Variants in HYOU1 observed in about 807,000 individuals in gnomAD.
HYOU1 encodes hypoxia up-regulated protein 1.
In HYOU1, 40 loss-of-function variants were observed where a neutral mutation model predicts 120.5. The ratio of observed to expected loss-of-function variants is 0.33; its 90% CI spans 0.26 to 0.43. The LOEUF (loss-of-function observed/expected upper bound fraction) is 0.43, where lower values mean the gene tolerates loss of function less well. Ranked by LOEUF, HYOU1 falls within the 20% of genes least tolerant of loss-of-function variation. HYOU1 has a pLI of 1.00. For missense variants in HYOU1, 1,085 were observed against 1,278.3 expected, an observed-to-expected ratio of 0.85 and a Z score of 2.31; for synonymous variants, 501 against 479.4, an observed-to-expected ratio of 1.05 and a Z score of -0.59.
chr11:119,054,860 A>G (rs1944659419), intron 6 of HYOU1, 124 bp downstream of exon 6: 4 of 1,155,690 alleles, frequency 3.5e-6, no homozygotes, highest in African/African-American at 1.5e-5. Context: ...CTCAGATGTG[A>G]CAACCAAAAT....
intron 22 of HYOU1, 60 bp from the exon 23 acceptor site, chr11:119,046,862 C>G: frequency 6.4e-7 from 1 of 1,569,498 alleles, no homozygotes. Context: ...CATCTCTGTC[C>G]CAGATGGAAT....
chr11:119,056,539 G>A (rs1006276713), intron 1 of HYOU1: 3 of 375,938 alleles, frequency 8.0e-6, no homozygotes, highest in Admixed American at 3.6e-5. Flanking sequence ...CCCCGCCCAG[G>A]GCTCAACCAC....
chr11:119,051,578 C>T lies in HYOU1; in HGVS notation c.1386G>A (p.Leu462=), dbSNP rs1944442185. 3 of 1,614,162 alleles carry T rather than the reference C, an allele frequency of 1.9e-6. No individual in the cohort carries two copies. Among genetic ancestry groups the T allele is most frequent in the Non-Finnish European group, 2.5e-6 (3 of 1,180,028 alleles). ...AGAAGAGTACCCGTTTATTGTGCTT[C>T]AGGCTGTGAATCCCAGGCTCCTCCT... ...EVEEEPGIHS[L]KHNKRVLFSR... Residue 462 remains leucine, a synonymous_variant, in exon 13 of 26, where the codon CTG becomes CTA. Coordinates refer to ENST00000617285, the MANE Select transcript of HYOU1 (RefSeq NM_006389.5). The surrounding 1 kb of genome is among the most constrained non-coding windows in gnomAD (Gnocchi z 4.2).
chr11:119,051,615 G>A lies in HYOU1; in HGVS notation c.1349C>T (p.Thr450Met), dbSNP rs2133586347. 35 of 1,613,862 alleles carry A rather than the reference G, an allele frequency of 2.2e-5. No individual in the cohort carries two copies. Among genetic ancestry groups the A allele is most frequent in the Admixed American group, 8.3e-5 (5 of 59,962 alleles). ...AVVYPILVEF[T>M]REVEEEPGIH... ...CCCAGGCTCCTCCTCCACCTCCCTCGTGAACTCCACCTACACAGCAGGCAG... is the reference window on the plus strand; with the variant it reads ...CCCAGGCTCCTCCTCCACCTCCCTCATGAACTCCACCTACACAGCAGGCAG... The change falls in exon 13 of 26, where the codon ACG becomes ATG. Residue 450 changes from threonine (T) to methionine (M), a missense_variant. This residue lies in a region of HYOU1 where 515 missense variants were observed against 677.8 expected (regional missense o/e 0.76). Transcript: ENST00000617285. The surrounding 1 kb of genome is among the most constrained non-coding windows in gnomAD (Gnocchi z 4.2).
Position 119,055,920 on chromosome 11 carries a change from A to G in HYOU1, c.92-77T>C. 4 of 1,419,178 alleles carry G rather than the reference A, an allele frequency of 2.8e-6. No individual in the cohort carries two copies. The South Asian group carries it at 4.6e-5, about 16-fold the overall frequency. 87.9% of individuals were successfully genotyped at this position (1,419,178 alleles called of 1,614,324 possible). ...GGACTCCCTCTAATCAAAGCATACC[A>G]CTTTCCATGGGTAAACGAAGATGGC... On this transcript the variant is annotated intron_variant, in intron 2 of 25. Transcript: ENST00000617285. The surrounding 1 kb of genome is among the most constrained non-coding windows in gnomAD (Gnocchi z 4.0).
Position 119,049,277 on chromosome 11 carries a change from G to A in HYOU1, c.1807-74C>T, listed in dbSNP as rs2133571559. ...CAGGCAGGCCTGGCTCGGCACCGCC[G>A]ACCCCATGGGGGTTCCATACAGGTG... On this transcript the variant is annotated intron_variant, in intron 16 of 25. Coordinates refer to ENST00000617285, the MANE Select transcript of HYOU1 (RefSeq NM_006389.5). The A allele has an allele frequency of 3.1e-5, 49 of 1,588,730 alleles. No individual in the cohort carries two copies. The African/African-American group carries it at 4.3e-4, about 14-fold the overall frequency.
In HYOU1 at chr11:119,055,251, G is replaced by C. The variant is rs1360458964; in HGVS notation, c.353C>G (p.Ala118Gly). ...ADNPHVALYQ[A>G]RFPEHELTFD... ...AGTCAGCTCGTGCTCCGGGAAGCGG[G>C]CCTGGTAAAGAGCTACATGGGGGTT... is the stretch of plus-strand genomic sequence containing the variant. The change falls in exon 5 of 26, where the codon GCC becomes GGC. Residue 118 changes from alanine to glycine, a missense_variant. This residue lies in a region of HYOU1 where 515 missense variants were observed against 677.8 expected (regional missense o/e 0.76). Transcript: ENST00000617285. This position sits in a 1 kb window ranked among gnomAD's most constrained non-coding sequence, Gnocchi z 4.0. The C allele has an allele frequency of 3.1e-6, 5 of 1,614,058 alleles. No homozygotes were observed. The Admixed American group carries it at 8.3e-5, about 27-fold the overall frequency.
intron 16 of HYOU1, 105 bp from the exon 17 acceptor site, chr11:119,049,308 T>C (rs1290813778): frequency 5.1e-6 from 8 of 1,569,904 alleles, no homozygotes; most frequent in Admixed American, 3.7e-5. Flanking sequence ...AGGTGACTGC[T>C]GTATGGAAAC....
Position 119,052,527 on chromosome 11 carries a change from T to C in HYOU1, c.988-98A>G. Reference sequence around the variant, plus strand: ...AAAGAATAGGTCTTTGGGAGGATGGTAGCGGGAGGAGCATGGGCCATGCCA... The same window carrying C: ...AAAGAATAGGTCTTTGGGAGGATGGCAGCGGGAGGAGCATGGGCCATGCCA... On this transcript the variant is annotated intron_variant, in intron 9 of 25. Coordinates refer to ENST00000617285, the MANE Select transcript of HYOU1 (RefSeq NM_006389.5). This position sits in a 1 kb window ranked among gnomAD's most constrained non-coding sequence, Gnocchi z 5.0. The C allele has an allele frequency of 6.3e-7, 1 of 1,585,860 alleles. No homozygotes were observed. Among genetic ancestry groups the C allele is most frequent in the Non-Finnish European group, 8.6e-7 (1 of 1,162,662 alleles).
At position 119,050,719 on chromosome 11, in the gene HYOU1, C is replaced by CAA. The variant is rs1944379626; in HGVS notation, c.1665+315_1665+316insTT. ...TTAAGTAACAGAGCCAAGACCCTCTCCAAAAAAAAAAAAAAAAAAAAAAAA... is the reference window on the plus strand; with the variant it reads ...TTAAGTAACAGAGCCAAGACCCTCTCAACAAAAAAAAAAAAAAAAAAAAAAAA... On this transcript the variant is annotated intron_variant, in intron 14 of 25. Transcript: ENST00000617285. 5.1e-4 allele frequency among the ~76,000 whole-genome samples: 27 copies of CAA among 52,868 alleles called. 11 individuals are homozygous for CAA. Among genetic ancestry groups the CAA allele is most frequent in the Non-Finnish European group, 8.2e-4 (22 of 26,900 alleles). The allele number at this position is 52,868 out of a possible 152,430, so 34.7% of individuals were successfully genotyped here.
rs2133583099 is a variant in HYOU1 at position 119,051,182 on chromosome 11, G to A, written c.1527-9C>T. ...TCTGGGAGCCAAATACCCTGGTTGG[G>A]AAGGAAAGAGGAGTTCAGGGGGACC... On this transcript the variant is annotated splice_polypyrimidine_tract_variant and intron_variant, in intron 13 of 25. Coordinates refer to ENST00000617285, the MANE Select transcript of HYOU1 (RefSeq NM_006389.5). This position sits in a 1 kb window ranked among gnomAD's most constrained non-coding sequence, Gnocchi z 4.2. 2 of 1,614,212 alleles carry A rather than the reference G, an allele frequency of 1.2e-6. No homozygotes were observed. Among genetic ancestry groups the A allele is most frequent in the African/African-American group, 2.7e-5 (2 of 75,048 alleles).
Position 119,044,383 on chromosome 11 carries a change from A to AGACAAAAT in HYOU1, c.*1202_*1209dup, listed in dbSNP as rs1943954247. On this transcript the variant is annotated 3_prime_UTR_variant, in exon 26 of 26. Coordinates refer to ENST00000617285, the MANE Select transcript of HYOU1 (RefSeq NM_006389.5). ...TGGCAAAAAAAAAAAAAAAAGGAAA[A>AGACAAAAT]GACAAAATGACTGACACAGCCAGGT... 6.6e-6 allele frequency: 1 copy of AGACAAAAT among 151,408 alleles called. No homozygotes were observed. Among genetic ancestry groups the AGACAAAAT allele is most frequent in the Non-Finnish European group, 1.5e-5 (1 of 67,848 alleles). 9.4% of individuals were successfully genotyped at this position (151,408 alleles called of 1,614,324 possible).
In HYOU1 at chr11:119,048,242, C is replaced by T; in HGVS notation, c.2376+6G>A. ...TCCACCTGCCATGTCCTGAGAGGCC[C>T]CTCACCACTGTGGTGGCTCCAACAC... On this transcript the variant is annotated splice_donor_region_variant and intron_variant, in intron 20 of 25. Transcript: ENST00000617285. This position sits in a 1 kb window ranked among gnomAD's most constrained non-coding sequence, Gnocchi z 4.7. 2 of 1,610,748 alleles carry T rather than the reference C, an allele frequency of 1.2e-6. No individual in the cohort carries two copies. The highest frequency in any genetic ancestry group is 1.7e-6 in the Non-Finnish European group (2 of 1,179,780).
Position 119,044,463 on chromosome 11 carries a change from A to G in HYOU1, c.*1130T>C, listed in dbSNP as rs782384698. The stretch of plus-strand genomic sequence containing the variant: ...CCCTAGCTCCTGCTACAGACGGAAT[A>G]CTGGAGGACGGGCTCCCTAGGCGTA... On this transcript the variant is annotated 3_prime_UTR_variant, in exon 26 of 26. Transcript: ENST00000617285. The G allele has an allele frequency of 1.1e-4, 17 of 152,462 alleles. No homozygotes were observed. The highest frequency in any genetic ancestry group is 6.6e-5 in the Admixed American group (1 of 15,266). The allele number at this position is 152,462 out of a possible 1,614,324, so 9.4% of individuals were successfully genotyped here.
In HYOU1 at chr11:119,051,224, G is replaced by A. The variant is rs2133583714; in HGVS notation, c.1527-51C>T. Reference sequence around the variant, plus strand: ...AGGGGGACCCACCCCAGCCCATCTCGCCCTCTAGACTACATGGCCTCCTGG... The same window carrying A: ...AGGGGGACCCACCCCAGCCCATCTCACCCTCTAGACTACATGGCCTCCTGG... On this transcript the variant is annotated intron_variant, in intron 13 of 25. Coordinates refer to ENST00000617285, the MANE Select transcript of HYOU1 (RefSeq NM_006389.5). This position sits in a 1 kb window ranked among gnomAD's most constrained non-coding sequence, Gnocchi z 4.2. 2.8e-5 allele frequency: 45 copies of A among 1,608,290 alleles called. No individual in the cohort carries two copies. Among genetic ancestry groups the A allele is most frequent in the East Asian group, 6.7e-5 (3 of 44,888 alleles).
chr11:119,048,411 A>G lies in HYOU1; in HGVS notation c.2254-41T>C, dbSNP rs2133563819. On this transcript the variant is annotated intron_variant, in intron 19 of 25. Coordinates refer to ENST00000617285, the MANE Select transcript of HYOU1 (RefSeq NM_006389.5). This position sits in a 1 kb window ranked among gnomAD's most constrained non-coding sequence, Gnocchi z 4.7. ...TGTAAACACATGCACCCACAAGCCC[A>G]GAGGCAAGGCCCACAGAGCCAGGTG... The G allele has an allele frequency of 6.2e-7, 1 of 1,611,646 alleles. No homozygotes were observed.
At chr11:119,050,535 G>A (rs1944362520) in intron 14 of HYOU1, among the ~76,000 whole-genome samples, 1 of 151,426 alleles carries the variant, frequency 6.6e-6, no homozygotes, top group Non-Finnish European at 1.5e-5. Context: ...TGGCAACATA[G>A]TGAGACCCTA....
Position 119,052,227 on chromosome 11 carries a change from C to T in HYOU1, c.1123-55G>A. ...AGCATGCAGTTAGCACTGACTCGTC[C>T]CTTGACGTCCCATGGGTTTCCTATG... On this transcript the variant is annotated intron_variant, in intron 10 of 25. Coordinates refer to ENST00000617285, the MANE Select transcript of HYOU1 (RefSeq NM_006389.5). This position sits in a 1 kb window ranked among gnomAD's most constrained non-coding sequence, Gnocchi z 5.0. 6.2e-7 allele frequency: 1 copy of T among 1,613,848 alleles called. No individual in the cohort carries two copies.
chr11:119,047,436 C>G (rs2133556664), intron 22 of HYOU1: 42 of 360,690 alleles, frequency 1.2e-4, no homozygotes, highest in Middle Eastern at 8.6e-4. Flanking sequence ...CATGACACAT[C>G]AGTTTCACCT....
Sources: gnomAD v4.1 joint callset for allele counts (sites outside exome capture counted in the v4.1 genomes callset) on GRCh38, gnomAD v4.1.1 for gene constraint, gnomAD v4.1.1 regional missense constraint, Gnocchi (gnomAD v3.1) non-coding constraint, MANE v1.5 for transcripts, NCBI Gene and HGNC (gene_info 2026-07-23, HGNC 2026-07-21) for gene names.